NGEF: variants seen among roughly 807,000 people sequenced by gnomAD.
NGEF encodes the protein neuronal guanine nucleotide exchange factor, also known as ephexin-1.
Under a neutral mutation model 80.9 loss-of-function variants are expected in NGEF, and 31 were observed. The observed-to-expected ratio is 0.38, with a 90% CI of 0.29 to 0.52. The LOEUF (loss-of-function observed/expected upper bound fraction) is 0.52, where lower values mean the gene tolerates loss of function less well. NGEF is among the 20% of genes least tolerant of loss of function. The pLI, the probability that NGEF is intolerant of heterozygous loss-of-function variation, is 0.84. For synonymous variants in NGEF, 371 were observed against 370.2 expected (o/e 1.00, Z -0.03); for missense variants, 709 against 926.2 (o/e 0.77, Z 3.04).
chr2:233,001,556 C>A (rs531253503), intron 1 of NGEF, among the ~76,000 whole-genome samples: 1 of 151,988 alleles, frequency 6.6e-6, no homozygotes, highest in South Asian at 2.1e-4. Flanking sequence ...CCAGCGAGAA[C>A]GGAAGGCGAG....
At chr2:232,929,091 G>A (rs1415550500) in intron 3 of NGEF, among the ~76,000 whole-genome samples, 1 of 152,366 alleles carries the variant, frequency 6.6e-6, no homozygotes, top group African/African-American at 2.4e-5. Flanking sequence ...TCACCTGGGT[G>A]GGCCCTTGGG....
At chr2:232,902,103 CAG>C (rs987144288) in intron 5 of NGEF, among the ~76,000 whole-genome samples, 7 of 152,248 alleles carry the variant, frequency 4.6e-5, no homozygotes, top group Admixed American at 2.0e-4. Context: ...TCCTGCCCCA[CAG>C]AGTCCTCTTG....
At chr2:232,993,109 A>ATATATAT (rs1227567474) in intron 1 of NGEF, among the ~76,000 whole-genome samples, 1 of 22,988 alleles carries the variant, frequency 4.4e-5, no homozygotes, top group Admixed American at 4.9e-4. Flanking sequence ...ATAAATAAAT[A>ATATATAT]TATATATATA....
intron 3 of NGEF, among the ~76,000 whole-genome samples, chr2:232,953,953 T>G (rs1204411291): frequency 6.6e-6 from 1 of 152,198 alleles, no homozygotes; most frequent in East Asian, 1.9e-4. Flanking sequence ...CATAAATGAA[T>G]GACACCTCAA....
intron 3 of NGEF, among the ~76,000 whole-genome samples, chr2:232,938,138 A>T (rs970720447): frequency 2.6e-5 from 4 of 152,166 alleles, no homozygotes; most frequent in African/African-American, 9.7e-5. Flanking sequence ...ATTGCTGAAG[A>T]CTGGAGATTG....
chr2:232,970,296 G>A lies in NGEF; in HGVS notation c.301C>T (p.Pro101Ser). The A allele has an allele frequency of 6.2e-7, 1 of 1,603,782 alleles. No individual in the cohort carries two copies. Among genetic ancestry groups the A allele is most frequent in the Admixed American group, 1.7e-5 (1 of 57,548 alleles). The change falls in exon 3 of 15, where the codon CCC becomes TCC. Residue 101 changes from proline (P) to serine (S), a missense_variant. Pro to Ser is a moderately conservative substitution (Grantham distance 74). This residue lies in a region of NGEF where 283 missense variants were observed against 303.4 expected (regional missense o/e 0.93). Coordinates refer to ENST00000264051, the MANE Select transcript of NGEF (RefSeq NM_019850.3). ...SQDNGKSVNE[P>S]LTLNIPWSRM... ...CTCCAGGGGATATTCAAGGTCAGGGGCTCATTTACAGATTTTCCATTGTCC... is the reference window on the plus strand; with the variant it reads ...CTCCAGGGGATATTCAAGGTCAGGGACTCATTTACAGATTTTCCATTGTCC...
chr2:232,973,975 C>T (rs748200876), intron 2 of NGEF, among the ~76,000 whole-genome samples: 4 of 152,098 alleles, frequency 2.6e-5, no homozygotes, highest in South Asian at 2.1e-4. Context: ...CTGTGCCTCC[C>T]GGGCTGGGAA....
intron 2 of NGEF, among the ~76,000 whole-genome samples, chr2:232,972,743 CCT>C (rs1694219623): frequency 7.4e-6 from 1 of 135,768 alleles, no homozygotes; most frequent in African/African-American, 2.7e-5. Context: ...ATGTCCTTAT[CCT>C]TTTTTTTTTT....
chr2:232,921,097 T>C (rs1692933230), intron 4 of NGEF, among the ~76,000 whole-genome samples: 1 of 152,228 alleles, frequency 6.6e-6, no homozygotes. Context: ...ATTCCCTTTT[T>C]TGCTTTCACA....
chr2:232,928,803 C>T (rs1257307234), intron 3 of NGEF, among the ~76,000 whole-genome samples: 1 of 152,222 alleles, frequency 6.6e-6, no homozygotes, highest in Non-Finnish European at 1.5e-5. Context: ...ACCAAGTGCC[C>T]GAAACCTCTC....
At chr2:232,942,565 C>T (rs923731903) in intron 3 of NGEF, among the ~76,000 whole-genome samples, 4 of 152,100 alleles carry the variant, frequency 2.6e-5, no homozygotes, top group African/African-American at 9.7e-5. Context: ...CCACTGGGCA[C>T]GGTGGCTCAC....
intron 1 of NGEF, among the ~76,000 whole-genome samples, chr2:233,004,253 A>C (rs1420731173): frequency 2.0e-5 from 3 of 151,374 alleles, no homozygotes; most frequent in Non-Finnish European, 1.5e-5. Context: ...GGCTTCTCCC[A>C]CCCCTTCCCT....
At chr2:232,968,695 G>C (rs551780040) in intron 3 of NGEF, among the ~76,000 whole-genome samples, 1 of 152,304 alleles carries the variant, frequency 6.6e-6, no homozygotes, top group Admixed American at 6.5e-5. Context: ...ATGAGCCACT[G>C]CGCCTGGCCC....
At chr2:232,982,475 G>T (rs1341570827) in intron 1 of NGEF, among the ~76,000 whole-genome samples, 2 of 152,146 alleles carry the variant, frequency 1.3e-5, no homozygotes, top group Non-Finnish European at 2.9e-5. Flanking sequence ...TCCTTGAATT[G>T]GTACGTTAGC....
intron 5 of NGEF, among the ~76,000 whole-genome samples, chr2:232,898,747 G>A (rs1240717175): frequency 5.3e-5 from 8 of 152,196 alleles, no homozygotes; most frequent in Non-Finnish European, 1.0e-4. Flanking sequence ...CTGGGCACTC[G>A]GCTGTGAACA....
intron 1 of NGEF, among the ~76,000 whole-genome samples, chr2:232,991,791 A>G (rs888209076): frequency 6.6e-6 from 1 of 152,248 alleles, no homozygotes; most frequent in Non-Finnish European, 1.5e-5. Flanking sequence ...AAACAATCAA[A>G]GAACAGAGTT....
chr2:232,945,433 T>C (rs1693537162), intron 3 of NGEF, among the ~76,000 whole-genome samples: 1 of 152,074 alleles, frequency 6.6e-6, no homozygotes, highest in South Asian at 2.1e-4. Flanking sequence ...TGTAAACCAA[T>C]GGCTGGTGTC....
At chr2:233,001,841 C>T (rs1694985578) in intron 1 of NGEF, among the ~76,000 whole-genome samples, 1 of 152,130 alleles carries the variant, frequency 6.6e-6, no homozygotes, top group East Asian at 1.9e-4. Context: ...ATGGTGAAAC[C>T]CTGTCTCTAC....
intron 3 of NGEF, among the ~76,000 whole-genome samples, chr2:232,955,056 AG>A (rs1413692049): frequency 2.0e-5 from 3 of 152,212 alleles, no homozygotes; most frequent in Non-Finnish European, 4.4e-5. Context: ...GAGGACACTG[AG>A]GCAGAGAAAG....
Sources: allele counts gnomAD v4.1 joint callset (sites outside exome capture counted in the v4.1 genomes callset), GRCh38; gene constraint gnomAD v4.1.1; regional missense constraint gnomAD v4.1.1; transcripts MANE v1.5; gene names NCBI Gene and HGNC (gene_info 2026-07-23, HGNC 2026-07-21).